ANKRD16: variants seen among roughly 807,000 people sequenced by gnomAD.
ANKRD16 encodes the protein ankyrin repeat domain-containing protein 16.
Under a neutral mutation model 37.9 loss-of-function variants are expected in ANKRD16, and 35 were observed. The observed-to-expected ratio is 0.92, with a 90% CI of 0.71 to 1.23. The LOEUF is 1.23. Ranked by LOEUF, ANKRD16 falls within the 50% of genes most tolerant of loss-of-function variation. The pLI, the probability that ANKRD16 is intolerant of heterozygous loss-of-function variation, is 0.00. For synonymous variants in ANKRD16, 206 were observed against 197.2 expected, an observed-to-expected ratio of 1.04 and a Z score of -0.37; for missense variants, 480 against 469.9, an observed-to-expected ratio of 1.02 and a Z score of -0.20.
In ANKRD16 at chr10:5,889,106, G is replaced by A; in HGVS notation, c.249C>T (p.His83=). 1 of 1,593,374 alleles carries A rather than the reference G, an allele frequency of 6.3e-7. No homozygotes were observed. Among genetic ancestry groups the A allele is most frequent in the Middle Eastern group, 1.7e-4 (1 of 5,948 alleles). The change falls in exon 1 of 8, where the codon CAC becomes CAT. Residue 83 remains histidine, a synonymous_variant. Transcript: ENST00000380094. ...RPLHEAASMG[H]RDCVRYLLGR... ...CCAGCAGGTAGCGCACGCAGTCTCG[G>A]TGGCCCATGGAGGCCGCCTCGTGCA...
chr10:5,887,898 C>T lies in ANKRD16; in HGVS notation c.484G>A (p.Gly162Ser), dbSNP rs1279451491. Residue 162 changes from glycine (G) to serine (S), a missense_variant, in exon 2 of 8, where the codon GGT becomes AGT. Physicochemically the swap from Gly to Ser is moderately conservative, Grantham distance 56 (BLOSUM62 0). Transcript: ENST00000380094. ...ILQYLLTVCP[G>S]AWKTESKIRR... is the part of the protein sequence containing the mutation. ...ATTTTGCTCTCTGTCTTCCAGGCAC[C>T]TGGGCAAACAGTGAGCAGGTACTGG... 2 of 1,614,206 alleles carry T rather than the reference C, an allele frequency of 1.2e-6. No individual in the cohort carries two copies. The highest frequency in any genetic ancestry group is 2.2e-5 in the East Asian group (1 of 44,890).
chr10:5,879,167 T>C (rs1842239408), intron 6 of ANKRD16, among the ~76,000 whole-genome samples: 1 of 152,002 alleles, frequency 6.6e-6, no homozygotes, highest in Non-Finnish European at 1.5e-5. Flanking sequence ...CTGCGAGTCT[T>C]TGAAGCATCA....
Position 5,887,665 on chromosome 10 carries a change from G to A in ANKRD16, c.535+182C>T, listed in dbSNP as rs531806394. On this transcript the variant is annotated intron_variant, in intron 2 of 7. Coordinates refer to ENST00000380094, the MANE Select transcript of ANKRD16 (RefSeq NM_019046.3). Reference sequence around the variant, plus strand: ...CTCCCAAAGTGCTGGGATTACAGGCGTGAGCCACTGCACCCGCGCCCCCGC... The same window carrying A: ...CTCCCAAAGTGCTGGGATTACAGGCATGAGCCACTGCACCCGCGCCCCCGC... Among the ~76,000 whole-genome samples the A allele has an allele frequency of 4.6e-5, 7 of 151,796 alleles. No individual in the cohort carries two copies. The South Asian group carries it at 1.2e-3, about 27-fold the overall frequency.
At position 5,865,171 on chromosome 10, in the gene ANKRD16, G is replaced by C. The variant is rs1841995316; in HGVS notation, c.*34-2480C>G. On this transcript the variant is annotated intron_variant, in intron 7 of 7. Transcript: ENST00000380094. The surrounding 1 kb of genome is among the most constrained non-coding windows in gnomAD (Gnocchi z 4.7). ...GGTGGTTCAGAGAGCACAGAAAATGGAGCAGGCCAATCACCTGGTAGGGCT... is the reference window on the plus strand; with the variant it reads ...GGTGGTTCAGAGAGCACAGAAAATGCAGCAGGCCAATCACCTGGTAGGGCT... Among the ~76,000 whole-genome samples the C allele has an allele frequency of 6.6e-6, 1 of 152,202 alleles. No individual in the cohort carries two copies. Among genetic ancestry groups the C allele is most frequent in the African/African-American group, 2.4e-5 (1 of 41,450 alleles).
chr10:5,878,357 T>C lies in ANKRD16; in HGVS notation c.929-70A>G. The C allele has an allele frequency of 1.5e-6, 2 of 1,340,856 alleles. No homozygotes were observed. Among genetic ancestry groups the C allele is most frequent in the East Asian group, 2.4e-5 (1 of 41,388 alleles). 83.1% of individuals were successfully genotyped at this position (1,340,856 alleles called of 1,614,324 possible). A position where few individuals can be genotyped will look rare whatever the true frequency, so the allele number is the denominator to read the frequency against. ...GAGCAATACTGACCTCATGAGTTGA[T>C]AGTGCCCAATAAAAATATCAATTCT... On this transcript the variant is annotated intron_variant, in intron 6 of 7. Coordinates refer to ENST00000380094, the MANE Select transcript of ANKRD16 (RefSeq NM_019046.3). This position sits in a 1 kb window ranked among gnomAD's most constrained non-coding sequence, Gnocchi z 5.1.
intron 7 of ANKRD16, among the ~76,000 whole-genome samples, chr10:5,877,711 A>G (rs1842206069): frequency 6.6e-6 from 1 of 152,210 alleles, no homozygotes; most frequent in Non-Finnish European, 1.5e-5. Flanking sequence ...CGTATGTGAT[A>G]TTTTTGTTAT....
At chr10:5,880,497 A>G in intron 5 of ANKRD16, 121 bp from the exon 6 acceptor site, 1 of 478,466 alleles carries the variant, frequency 2.1e-6, no homozygotes, top group Non-Finnish European at 3.6e-6. Flanking sequence ...GGTTAAGGAC[A>G]TACCTGAGAG....
In ANKRD16 at chr10:5,873,310, A is replaced by G. The variant is rs370026845; in HGVS notation, c.*33+4787T>C. On this transcript the variant is annotated intron_variant, in intron 7 of 7. Coordinates refer to ENST00000380094, the MANE Select transcript of ANKRD16 (RefSeq NM_019046.3). Reference sequence around the variant, plus strand: ...CTCCCAAAGTGCTGGGATAACAGGCATGAGCCACCGTCCCCAGCACGCCTG... The same window carrying G: ...CTCCCAAAGTGCTGGGATAACAGGCGTGAGCCACCGTCCCCAGCACGCCTG... Among the ~76,000 whole-genome samples, 18 of 152,244 alleles carry G rather than the reference A, an allele frequency of 1.2e-4. No homozygotes were observed. In the South Asian group the frequency reaches 1.9e-3, roughly 16 times the overall value.
rs1406094006 is a variant in ANKRD16 at position 5,874,051 on chromosome 10, T to C, written c.*33+4046A>G. The stretch of plus-strand genomic sequence containing the variant: ...GATTACAGGCGGGTGCCACCACGCC[T>C]GGCTAATTTTTGTATTTTTAGTAAA... On this transcript the variant is annotated intron_variant, in intron 7 of 7. Transcript: ENST00000380094. This position sits in a 1 kb window ranked among gnomAD's most constrained non-coding sequence, Gnocchi z 4.7. 2.0e-5 allele frequency among the ~76,000 whole-genome samples: 3 copies of C among 151,846 alleles called. No individual in the cohort carries two copies. Among genetic ancestry groups the C allele is most frequent in the Non-Finnish European group, 4.4e-5 (3 of 67,986 alleles).
chr10:5,888,869 A>G (rs1842513105), intron 1 of ANKRD16, among the ~76,000 whole-genome samples, 172 bp downstream of exon 1: 1 of 152,208 alleles, frequency 6.6e-6, no homozygotes, highest in African/African-American at 2.4e-5. Flanking sequence ...TCTGCAGGTC[A>G]TCTGCGTTAT....
At chr10:5,881,097 C>A in intron 5 of ANKRD16, 4 of 894,748 alleles carry the variant, frequency 4.5e-6, no homozygotes, top group Non-Finnish European at 4.0e-6. Flanking sequence ...CTGCGCCCAG[C>A]CAAATTTTCA....
In ANKRD16 at chr10:5,866,869, G is replaced by C. The variant is rs117760985; in HGVS notation, c.*34-4178C>G. 6.6e-6 allele frequency among the ~76,000 whole-genome samples: 1 copy of C among 152,048 alleles called. No individual in the cohort carries two copies. Among genetic ancestry groups the C allele is most frequent in the Non-Finnish European group, 1.5e-5 (1 of 68,002 alleles). ...AGACAGAGAGGCTGAAAGTCAAAGA[G>C]AGAAGGAGAGAGAGGAAGAGACAGA... On this transcript the variant is annotated intron_variant, in intron 7 of 7. Coordinates refer to ENST00000380094, the MANE Select transcript of ANKRD16 (RefSeq NM_019046.3). The surrounding 1 kb of genome is among the most constrained non-coding windows in gnomAD (Gnocchi z 4.3).
Position 5,878,240 on chromosome 10 carries a change from G to A in ANKRD16, c.976C>T (p.Leu326Phe). ...GAATCCTTCAGTCCCGACTGCAGGA[G>A]AAACTTGGCACAGGCCAAGTGCTGA... ...AGQHLACAKF[L>F]LQSGLKDSED... Residue 326 changes from leucine (L) to phenylalanine (F), a missense_variant, in exon 7 of 8, where the codon CTC becomes TTC. Physicochemically the swap from Leu to Phe is conservative, Grantham distance 22 (BLOSUM62 0). Coordinates refer to ENST00000380094, the MANE Select transcript of ANKRD16 (RefSeq NM_019046.3). This position sits in a 1 kb window ranked among gnomAD's most constrained non-coding sequence, Gnocchi z 5.1. The A allele has an allele frequency of 6.2e-7, 1 of 1,614,142 alleles. No homozygotes were observed. The highest frequency in any genetic ancestry group is 8.5e-7 in the Non-Finnish European group (1 of 1,180,046).
chr10:5,885,232 C>G (rs975898977), intron 3 of ANKRD16, among the ~76,000 whole-genome samples: 2 of 152,070 alleles, frequency 1.3e-5, no homozygotes, highest in Admixed American at 6.5e-5. Context: ...CAAGGCTGGA[C>G]TGCAGTGGCG....
chr10:5,885,065 C>T (rs564236413), intron 3 of ANKRD16, among the ~76,000 whole-genome samples: 8 of 152,362 alleles, frequency 5.3e-5, no homozygotes, highest in Admixed American at 3.3e-4. Flanking sequence ...AACAGACTTT[C>T]GGGACTCCTT....
chr10:5,887,107 T>G (rs1238208093), intron 2 of ANKRD16, among the ~76,000 whole-genome samples: 6 of 152,194 alleles, frequency 3.9e-5, no homozygotes, highest in Non-Finnish European at 8.8e-5. Flanking sequence ...TCTAAAGGAT[T>G]TACATACATC....
At position 5,874,641 on chromosome 10, in the gene ANKRD16, G is replaced by A. The variant is rs61832918; in HGVS notation, c.*33+3456C>T. Among the ~76,000 whole-genome samples the A allele has an allele frequency of 1.9e-3, 288 of 152,314 alleles. No individual in the cohort carries two copies. Among genetic ancestry groups the A allele is most frequent in the Non-Finnish European group, 3.2e-3 (221 of 68,034 alleles). On this transcript the variant is annotated intron_variant, in intron 7 of 7. Transcript: ENST00000380094. The surrounding 1 kb of genome is among the most constrained non-coding windows in gnomAD (Gnocchi z 4.7). ...TGCCACCAACCAAGGCAGGAATGCA[G>A]GCCTGTATGTCAGTGGGTTGTGGGG...
rs1160142978 is a variant in ANKRD16 at position 5,889,852 on chromosome 10, C to G, written c.-498G>C. On this transcript the variant is annotated 5_prime_UTR_variant, in exon 1 of 8. Coordinates refer to ENST00000380094, the MANE Select transcript of ANKRD16 (RefSeq NM_019046.3). ...CAGGGTGGCTCCTGAGGCAGCCAGG[C>G]CCAAGCGTGACCTGCCCCGCACGCG... 2.5e-5 allele frequency: 4 copies of G among 157,512 alleles called. No homozygotes were observed. The highest frequency in any genetic ancestry group is 5.5e-5 in the Non-Finnish European group (4 of 72,076). 9.8% of individuals were successfully genotyped at this position (157,512 alleles called of 1,614,324 possible).
rs558470487 is a variant in ANKRD16 at position 5,870,152 on chromosome 10, C to T, written c.*34-7461G>A. ...TGCTCCATTAAAAAAACCAAAACAT[C>T]GATCCACATCCCTCTCCACTGCTTC... On this transcript the variant is annotated intron_variant, in intron 7 of 7. Transcript: ENST00000380094. This position sits in a 1 kb window ranked among gnomAD's most constrained non-coding sequence, Gnocchi z 5.0. Among the ~76,000 whole-genome samples the T allele has an allele frequency of 6.6e-6, 1 of 152,238 alleles. No homozygotes were observed. The highest frequency in any genetic ancestry group is 6.5e-5 in the Admixed American group (1 of 15,286).
Sources: allele counts gnomAD v4.1 joint callset (sites outside exome capture counted in the v4.1 genomes callset), GRCh38; gene constraint gnomAD v4.1.1; non-coding constraint Gnocchi (gnomAD v3.1); transcripts MANE v1.5; gene names NCBI Gene and HGNC (gene_info 2026-07-23, HGNC 2026-07-21).